FGF12: variants seen among roughly 807,000 people sequenced by gnomAD.
The protein encoded by FGF12 is fibroblast growth factor 12.
FGF12 carries 14 observed loss-of-function variants against 23.6 expected under a neutral mutation model. That is an observed-to-expected ratio of 0.59 (90% CI 0.39 to 0.93). FGF12 has a LOEUF of 0.93. FGF12 is among the 40% of genes least tolerant of loss of function. The pLI, the probability that FGF12 is intolerant of heterozygous loss-of-function variation, is 0.00. For missense variants in FGF12, 175 were observed against 217.8 expected (o/e 0.80, Z 1.24); for synonymous variants, 62 against 77.3 (o/e 0.80, Z 1.04).
chr3:192,341,592 G>A (rs1301327385), intron 3 of FGF12, among the ~76,000 whole-genome samples: 1 of 151,636 alleles, frequency 6.6e-6, no homozygotes, highest in East Asian at 1.9e-4. Flanking sequence ...TTTTTTCGAG[G>A]GAGAACCCCA....
intron 2 of FGF12, among the ~76,000 whole-genome samples, chr3:192,627,033 A>G (rs1715197334): frequency 6.6e-6 from 1 of 152,222 alleles, no homozygotes; most frequent in African/African-American, 2.4e-5. Context: ...ATTTATTATC[A>G]GCTTAAAAAT....
chr3:192,143,797 C>T lies in FGF12; in HGVS notation c.*212G>A, dbSNP rs1189673680. The T allele has an allele frequency of 2.5e-5, 12 of 480,648 alleles. No homozygotes were observed. In the East Asian group the frequency reaches 3.4e-4, roughly 14 times the overall value. The allele number at this position is 480,648 out of a possible 1,614,324, so 29.8% of individuals were successfully genotyped here. ...TTTTAAGTGTGCTAATCTTTGTGCA[C>T]GTGAATTTTCTACCACATTGCAACA... On this transcript the variant is annotated 3_prime_UTR_variant, in exon 6 of 6. Coordinates refer to ENST00000445105, the MANE Select transcript of FGF12 (RefSeq NM_004113.6).
chr3:192,427,777 C>A (rs1020931775), intron 2 of FGF12, among the ~76,000 whole-genome samples: 23 of 152,112 alleles, frequency 1.5e-4, no homozygotes, highest in African/African-American at 5.3e-4. Flanking sequence ...TAAGACTTGG[C>A]AGCAGGGAGC....
chr3:192,444,846 A>G (rs1181595204), intron 2 of FGF12, among the ~76,000 whole-genome samples: 1 of 152,224 alleles, frequency 6.6e-6, no homozygotes, highest in East Asian at 1.9e-4. Context: ...TGAATTCTCT[A>G]TCTTAGGGAT....
chr3:192,200,940 A>G (rs1717336504), intron 4 of FGF12, among the ~76,000 whole-genome samples: 1 of 152,134 alleles, frequency 6.6e-6, no homozygotes. Context: ...CTACCTCAGT[A>G]CTTTAAGAGA....
In FGF12 at chr3:192,514,855, A is replaced by G. The variant is rs1376560587; in HGVS notation, c.14-154317T>C. On this transcript the variant is annotated intron_variant, in intron 2 of 5. Transcript: ENST00000445105. The surrounding 1 kb of genome is among the most constrained non-coding windows in gnomAD (Gnocchi z 4.9). ...TCTTCGGAAGCCGGGTCCCGAGTCC[A>G]TCGCGCGCGCCCAGGTGGAGGGGAG... is the stretch of plus-strand genomic sequence containing the variant. 2.0e-6 allele frequency: 2 copies of G among 985,292 alleles called. No homozygotes were observed. Among genetic ancestry groups the G allele is most frequent in the Non-Finnish European group, 2.4e-6 (2 of 829,880 alleles). The allele number at this position is 985,292 out of a possible 1,614,324, so 61.0% of individuals were successfully genotyped here.
intron 2 of FGF12, among the ~76,000 whole-genome samples, chr3:192,675,891 T>C (rs1717309896): frequency 6.6e-6 from 1 of 152,200 alleles, no homozygotes; most frequent in African/African-American, 2.4e-5. Context: ...TGGCTGTGAA[T>C]ACTTAGCAAA....
Position 192,409,077 on chromosome 3 carries a change from G to T in FGF12, c.14-48539C>A. On this transcript the variant is annotated intron_variant, in intron 2 of 5. Transcript: ENST00000445105. The surrounding 1 kb of genome is among the most constrained non-coding windows in gnomAD (Gnocchi z 4.8). ...AAAGAGAGCGGGAGGCGAGGGAGGGGGGAGGGCGCGAGGGAGGGAGGGAGA... is the reference window on the plus strand; with the variant it reads ...AAAGAGAGCGGGAGGCGAGGGAGGGTGGAGGGCGCGAGGGAGGGAGGGAGA... The T allele has an allele frequency of 1.3e-6, 1 of 767,756 alleles. No homozygotes were observed. The highest frequency in any genetic ancestry group is 1.6e-6 in the Non-Finnish European group (1 of 631,550). The allele number at this position is 767,756 out of a possible 1,614,324, so 47.6% of individuals were successfully genotyped here.
At chr3:192,285,443 G>A (rs1000196589) in intron 4 of FGF12, among the ~76,000 whole-genome samples, 2 of 151,918 alleles carry the variant, frequency 1.3e-5, no homozygotes, top group African/African-American at 4.8e-5. Context: ...GCTTATTACA[G>A]GGAATGCAAC....
At chr3:192,579,852 G>A (rs568865095) in intron 2 of FGF12, among the ~76,000 whole-genome samples, 1 of 152,302 alleles carries the variant, frequency 6.6e-6, no homozygotes, top group Non-Finnish European at 1.5e-5. Context: ...TTACAGGTGT[G>A]AGCCACTGCA....
At chr3:192,396,156 T>C (rs1720510120) in intron 2 of FGF12, among the ~76,000 whole-genome samples, 1 of 152,220 alleles carries the variant, frequency 6.6e-6, no homozygotes, top group South Asian at 2.1e-4. Flanking sequence ...TCTTGAAATA[T>C]AGACATTAAA....
At chr3:192,649,473 A>T (rs1017753717) in intron 2 of FGF12, among the ~76,000 whole-genome samples, 2 of 152,108 alleles carry the variant, frequency 1.3e-5, no homozygotes, top group Admixed American at 6.5e-5. Flanking sequence ...TATTCTTATT[A>T]TTATAACTTT....
intron 3 of FGF12, among the ~76,000 whole-genome samples, chr3:192,356,543 T>C (rs1468212601): frequency 6.6e-6 from 1 of 152,228 alleles, no homozygotes; most frequent in Non-Finnish European, 1.5e-5. Context: ...TTTGTGCTTT[T>C]TATCATTACA....
chr3:192,190,814 G>A (rs1577219819), intron 4 of FGF12, among the ~76,000 whole-genome samples: 1 of 152,222 alleles, frequency 6.6e-6, no homozygotes, highest in African/African-American at 2.4e-5. Context: ...AATCTCAATA[G>A]GTCAACATCT....
chr3:192,337,221 T>C (rs1175919327), intron 3 of FGF12, among the ~76,000 whole-genome samples: 1 of 152,136 alleles, frequency 6.6e-6, no homozygotes, highest in Admixed American at 6.6e-5. Context: ...ATATTCCCTA[T>C]GTTACAGAAG....
intron 3 of FGF12, among the ~76,000 whole-genome samples, chr3:192,358,681 A>G (rs1718585716): frequency 6.6e-6 from 1 of 152,186 alleles, no homozygotes; most frequent in Non-Finnish European, 1.5e-5. Context: ...CCACACTTGC[A>G]CTTCTACCCT....
chr3:192,150,588 CTTGG>C (rs1713995678), intron 5 of FGF12, among the ~76,000 whole-genome samples: 1 of 144,840 alleles, frequency 6.9e-6, no homozygotes, highest in Admixed American at 7.0e-5. Context: ...TTCCCCATTG[CTTGG>C]TTTTCTCAGG....
At chr3:192,385,157 C>T (rs1719987766) in intron 2 of FGF12, among the ~76,000 whole-genome samples, 1 of 152,072 alleles carries the variant, frequency 6.6e-6, no homozygotes, top group African/African-American at 2.4e-5. Context: ...GCACTTTGTG[C>T]TGAGGCTCTA....
intron 2 of FGF12, among the ~76,000 whole-genome samples, chr3:192,584,176 G>A (rs889939201): frequency 7.2e-5 from 11 of 152,142 alleles, no homozygotes; most frequent in African/African-American, 2.7e-4. Flanking sequence ...ATTAACCTTA[G>A]TAATTACTGT....
Sources: allele counts gnomAD v4.1 joint callset (sites outside exome capture counted in the v4.1 genomes callset), GRCh38; gene constraint gnomAD v4.1.1; non-coding constraint Gnocchi (gnomAD v3.1); transcripts MANE v1.5; gene names NCBI Gene and HGNC (gene_info 2026-07-23, HGNC 2026-07-21).